Variants in INPP5F observed in about 807,000 individuals in gnomAD.
INPP5F encodes the protein inositol polyphosphate-5-phosphatase F.
A neutral mutation model predicts 137.2 loss-of-function variants in INPP5F; 97 were observed. The ratio of observed to expected loss-of-function variants is 0.71; its 90% CI spans 0.60 to 0.84. The LOEUF is 0.84. Ranked by LOEUF, INPP5F falls within the 40% of genes least tolerant of loss-of-function variation. INPP5F has a pLI of 0.00. For synonymous variants in INPP5F, 504 were observed against 476.9 expected (o/e 1.06, Z -0.74); for missense variants, 1,271 against 1,371.9 (o/e 0.93, Z 1.16).
Position 119,811,857 on chromosome 10 carries a change from G to A in INPP5F, c.1788G>A (p.Gln596=), listed in dbSNP as rs1320714052. The part of the protein sequence containing the change: ...ALHKENQRSH[Q]ELISQLLQSY... ...ATAAGGAAAATCAGAGAAGCCACCA[G>A]GAACTAATTAGCCAGCTCTTACAAA... Residue 596 remains glutamine, a synonymous_variant, in exon 15 of 20, where the codon CAG becomes CAA. Transcript: ENST00000650623. 4 of 1,614,002 alleles carry A rather than the reference G, an allele frequency of 2.5e-6. No homozygotes were observed. Among genetic ancestry groups the A allele is most frequent in the Non-Finnish European group, 3.4e-6 (4 of 1,179,964 alleles).
intron 2 of INPP5F, among the ~76,000 whole-genome samples, chr10:119,761,100 A>G (rs1431595461): frequency 6.6e-6 from 1 of 152,190 alleles, no homozygotes; most frequent in East Asian, 1.9e-4. Flanking sequence ...AGTATAATAG[A>G]TTATTTCAAG....
chr10:119,796,032 C>A (rs868694073), intron 6 of INPP5F, among the ~76,000 whole-genome samples: 16 of 135,618 alleles, frequency 1.2e-4, no homozygotes, highest in Non-Finnish European at 1.8e-4. Flanking sequence ...GCAGCAGTAC[C>A]GTCCAGCTTC....
chr10:119,805,474 CA>C lies in INPP5F; in HGVS notation c.1319+15del. The C allele has an allele frequency of 6.4e-7, 1 of 1,552,814 alleles. No individual in the cohort carries two copies. The highest frequency in any genetic ancestry group is 8.9e-7 in the Non-Finnish European group (1 of 1,124,432). ...TGAAGTGGTGTTGGTAAGTATTTTA[CA>C]AGAACTCCTTTTTACAGACTCTGGG... On this transcript the variant is annotated intron_variant, in intron 11 of 19. Coordinates refer to ENST00000650623, the MANE Select transcript of INPP5F (RefSeq NM_014937.4).
intron 2 of INPP5F, among the ~76,000 whole-genome samples, chr10:119,771,865 T>C (rs1300518476): frequency 7.5e-5 from 1 of 13,326 alleles, no homozygotes; most frequent in Non-Finnish European, 1.9e-4. Context: ...TATATATATA[T>C]ATATATATAT....
intron 9 of INPP5F, among the ~76,000 whole-genome samples, chr10:119,801,684 G>C (rs762088964): frequency 3.9e-5 from 6 of 152,190 alleles, no homozygotes; most frequent in Non-Finnish European, 8.8e-5. Flanking sequence ...AGGCTGCAGT[G>C]AGCCATGATT....
At chr10:119,784,132 C>G (rs1405792802) in intron 3 of INPP5F, among the ~76,000 whole-genome samples, 1 of 152,158 alleles carries the variant, frequency 6.6e-6, no homozygotes, top group Non-Finnish European at 1.5e-5. Context: ...TAATTTAAAT[C>G]TTGGTATCTA....
chr10:119,778,507 C>G (rs1338135569), intron 2 of INPP5F, among the ~76,000 whole-genome samples: 1 of 152,044 alleles, frequency 6.6e-6, no homozygotes, highest in African/African-American at 2.4e-5. Flanking sequence ...TTAAAAATCT[C>G]TTGTGAGAAG....
chr10:119,756,357 C>A (rs1026897299), intron 2 of INPP5F, among the ~76,000 whole-genome samples: 3 of 151,872 alleles, frequency 2.0e-5, no homozygotes, highest in Non-Finnish European at 4.4e-5. Context: ...AGTCACAGGC[C>A]CGACATGGTG....
chr10:119,781,340 T>C (rs1849695864), intron 2 of INPP5F, among the ~76,000 whole-genome samples: 1 of 152,248 alleles, frequency 6.6e-6, no homozygotes, highest in African/African-American at 2.4e-5. Flanking sequence ...GTTTTGAGTT[T>C]TCTCACAGTC....
chr10:119,740,227 G>A (rs1403758894), intron 1 of INPP5F, among the ~76,000 whole-genome samples: 1 of 152,098 alleles, frequency 6.6e-6, no homozygotes, highest in African/African-American at 2.4e-5. Flanking sequence ...TTGAGATTCT[G>A]CCTTTTCTAG....
intron 8 of INPP5F, 116 bp downstream of exon 8, chr10:119,797,756 A>G (rs551952798): frequency 1.4e-6 from 1 of 694,448 alleles, no homozygotes; most frequent in East Asian, 3.0e-5. Context: ...TCAAAACGAT[A>G]ACTTGTATTT....
intron 9 of INPP5F, among the ~76,000 whole-genome samples, chr10:119,802,618 AC>A (rs1437959108): frequency 1.3e-5 from 2 of 152,080 alleles, no homozygotes; most frequent in Non-Finnish European, 2.9e-5. Context: ...TATTATAAAG[AC>A]TCCAGAAAAT....
chr10:119,751,209 G>GT (rs2134124765), intron 2 of INPP5F, 53 bp downstream of exon 2: 3 of 1,115,970 alleles, frequency 2.7e-6, no homozygotes, highest in Non-Finnish European at 4.1e-6. Flanking sequence ...GCATTTTTTG[G>GT]TGTTTTCCTC....
chr10:119,788,697 C>T (rs988081603), intron 3 of INPP5F, among the ~76,000 whole-genome samples: 2 of 152,160 alleles, frequency 1.3e-5, no homozygotes, highest in Non-Finnish European at 2.9e-5. Flanking sequence ...CTTGTGTAAA[C>T]ATGTCACAAG....
At chr10:119,809,470 G>A (rs951787910) in intron 13 of INPP5F, among the ~76,000 whole-genome samples, 1 of 152,056 alleles carries the variant, frequency 6.6e-6, no homozygotes, top group South Asian at 2.1e-4. Context: ...GGGTTGGGAT[G>A]GGGAAAAAGA....
At chr10:119,756,614 C>T (rs1426517926) in intron 2 of INPP5F, among the ~76,000 whole-genome samples, 3 of 151,832 alleles carry the variant, frequency 2.0e-5, no homozygotes, top group Non-Finnish European at 1.5e-5. Context: ...CCAGCCTGGG[C>T]TACAGAGCAA....
At chr10:119,757,894 G>A (rs1339620794) in intron 2 of INPP5F, among the ~76,000 whole-genome samples, 6 of 151,958 alleles carry the variant, frequency 3.9e-5, no homozygotes, top group Non-Finnish European at 8.8e-5. Context: ...CCTCCAAGAA[G>A]ACAGCAACTG....
chr10:119,788,199 T>C (rs894421562), intron 3 of INPP5F, among the ~76,000 whole-genome samples: 1 of 152,114 alleles, frequency 6.6e-6, no homozygotes, highest in African/African-American at 2.4e-5. Context: ...TGCGCAGTTC[T>C]AGAGATGCTG....
intron 2 of INPP5F, among the ~76,000 whole-genome samples, chr10:119,776,557 G>A (rs554414040): frequency 9.9e-5 from 15 of 152,102 alleles, no homozygotes; most frequent in Admixed American, 3.9e-4. Context: ...AATGTACATT[G>A]TATTTTTGTT....
Sources: gnomAD v4.1 joint callset for allele counts (sites outside exome capture counted in the v4.1 genomes callset) on GRCh38, gnomAD v4.1.1 for gene constraint, MANE v1.5 for transcripts, NCBI Gene and HGNC (gene_info 2026-07-23, HGNC 2026-07-21) for gene names.